The following LIPK variants were observed in gnomAD, a reference collection of about 807,000 sequenced individuals.
The protein encoded by LIPK is lipase family member K, also known as lipase member K.
In LIPK, 32 loss-of-function variants were observed where a neutral mutation model predicts 48.6. The observed-to-expected ratio is 0.66, with a 90% CI of 0.50 to 0.88. The LOEUF is 0.88. Ranked by LOEUF, LIPK falls within the 40% of genes least tolerant of loss-of-function variation. LIPK has a pLI of 0.00. For missense variants in LIPK, 507 were observed against 478.5 expected, an observed-to-expected ratio of 1.06 and a Z score of -0.56; for synonymous variants, 164 against 157.4, an observed-to-expected ratio of 1.04 and a Z score of -0.32.
chr10:88,746,864 T>G (rs1290454151), intron 9 of LIPK, among the ~76,000 whole-genome samples: 1 of 152,070 alleles, frequency 6.6e-6, no homozygotes, highest in Non-Finnish European at 1.5e-5. Context: ...ATTGATAGAC[T>G]GCTAGCTAGA....
At chr10:88,747,164 C>T (rs541559786) in intron 9 of LIPK, among the ~76,000 whole-genome samples, 1 of 152,266 alleles carries the variant, frequency 6.6e-6, no homozygotes, top group East Asian at 1.9e-4. Context: ...GAATGAATTA[C>T]AGTCCAATTT....
chr10:88,724,680 A>G (rs1213945787), intron 2 of LIPK, 32 bp downstream of exon 2: 1 of 1,424,318 alleles, frequency 7.0e-7, no homozygotes, highest in East Asian at 2.5e-5. Flanking sequence ...AAATGCTAAA[A>G]TAAGGAATTA....
intron 4 of LIPK, among the ~76,000 whole-genome samples, chr10:88,731,957 G>A (rs577860454): frequency 7.2e-5 from 11 of 152,304 alleles, no homozygotes; most frequent in Admixed American, 3.3e-4. Context: ...GCATCAGTAG[G>A]CCTCGACAAA....
intron 1 of LIPK, among the ~76,000 whole-genome samples, chr10:88,713,389 T>A (rs1183723348): frequency 1.4e-5 from 1 of 71,270 alleles, no homozygotes; most frequent in African/African-American, 7.1e-5. Context: ...TGCATTTTGA[T>A]TTTTTGTTGT....
intron 5 of LIPK, 47 bp from the exon 6 acceptor site, chr10:88,732,368 C>G (rs1459699620): frequency 2.5e-6 from 4 of 1,594,758 alleles, no homozygotes; most frequent in Non-Finnish European, 2.6e-6. Context: ...TTAAAATGAA[C>G]AAATAATTAT....
At chr10:88,735,427 C>T (rs183490260) in intron 6 of LIPK, among the ~76,000 whole-genome samples, 2 of 152,190 alleles carry the variant, frequency 1.3e-5, no homozygotes, top group Non-Finnish European at 2.9e-5. Flanking sequence ...CAGCCTGTCC[C>T]GAGTCACCCA....
chr10:88,733,623 G>C (rs1030155145), intron 6 of LIPK, among the ~76,000 whole-genome samples: 28 of 152,172 alleles, frequency 1.8e-4, no homozygotes, highest in African/African-American at 6.8e-4. Context: ...ACTCTGGCCT[G>C]CTCCTACTAT....
chr10:88,722,119 G>A (rs1842237439), intron 1 of LIPK, among the ~76,000 whole-genome samples: 1 of 152,122 alleles, frequency 6.6e-6, no homozygotes, highest in African/African-American at 2.4e-5. Context: ...CCAAAATGGT[G>A]AAACCCCGTC....
chr10:88,728,354 G>T (rs1165671321), intron 3 of LIPK: 5 of 196,408 alleles, frequency 2.5e-5, no homozygotes, highest in African/African-American at 7.1e-5. Context: ...GGTCGAGTAT[G>T]AGGTGCTGCA....
chr10:88,740,576 C>T (rs895445357), intron 8 of LIPK, among the ~76,000 whole-genome samples: 4 of 152,198 alleles, frequency 2.6e-5, no homozygotes, highest in African/African-American at 9.6e-5. Context: ...ACAGAAAGCT[C>T]AGAGATAAGT....
At chr10:88,732,731 T>C (rs1175572953) in intron 6 of LIPK, among the ~76,000 whole-genome samples, 180 bp downstream of exon 6, 1 of 152,250 alleles carries the variant, frequency 6.6e-6, no homozygotes, top group South Asian at 2.1e-4. Flanking sequence ...GAACTCCCCC[T>C]GTTGCTAATC....
chr10:88,737,128 T>A (rs1348822121), intron 6 of LIPK, among the ~76,000 whole-genome samples: 2 of 152,194 alleles, frequency 1.3e-5, no homozygotes, highest in Non-Finnish European at 2.9e-5. Flanking sequence ...TATTAGTCAC[T>A]AATTATGATA....
intron 1 of LIPK, among the ~76,000 whole-genome samples, chr10:88,716,873 T>A (rs1277794674): frequency 6.6e-6 from 1 of 152,190 alleles, no homozygotes; most frequent in Non-Finnish European, 1.5e-5. Flanking sequence ...GATTTGGATT[T>A]TTTTTTCTCA....
At chr10:88,719,857 T>C (rs887605043) in intron 1 of LIPK, among the ~76,000 whole-genome samples, 9 of 152,236 alleles carry the variant, frequency 5.9e-5, no homozygotes. Context: ...TCTGATATTC[T>C]TTTGTTGAGA....
chr10:88,746,287 A>C (rs1374424849), intron 9 of LIPK, among the ~76,000 whole-genome samples: 8 of 152,200 alleles, frequency 5.3e-5, no homozygotes, highest in Admixed American at 5.2e-4. Flanking sequence ...CTGAGCAGAC[A>C]TCTAGAGAAC....
In LIPK at chr10:88,752,591, G is replaced by A. The variant is rs372903860; in HGVS notation, c.1035G>A (p.Val345=). ...TATGGAATGGTGGACAGGACATTGT[G>A]GCTGATCCCAAGGATGTTGAAAATT... ...TAIWNGGQDI[V]ADPKDVENLL... The change falls in exon 10 of 10, where the codon GTG becomes GTA. Residue 345 remains valine (V), a synonymous_variant. Transcript: ENST00000404190. The A allele has an allele frequency of 3.2e-6, 5 of 1,573,022 alleles. No individual in the cohort carries two copies. In the African/African-American group the frequency reaches 4.0e-5, roughly 13 times the overall value.
In LIPK at chr10:88,724,779, T is replaced by C. The variant is rs537867830; in HGVS notation, c.105+131T>C. The C allele has an allele frequency of 4.7e-6, 3 of 635,188 alleles. No individual in the cohort carries two copies. In the South Asian group the frequency reaches 6.3e-5, roughly 13 times the overall value. 39.3% of individuals were successfully genotyped at this position (635,188 alleles called of 1,614,324 possible). ...GACTAAGTCTGTGCTTCCTCTCCTGTTTCTTGATATGGCTAACTAATCCAA... is the reference window on the plus strand; with the variant it reads ...GACTAAGTCTGTGCTTCCTCTCCTGCTTCTTGATATGGCTAACTAATCCAA... On this transcript the variant is annotated intron_variant, in intron 2 of 9. Transcript: ENST00000404190.
intron 8 of LIPK, among the ~76,000 whole-genome samples, chr10:88,742,018 A>C (rs1842687999): frequency 6.6e-6 from 1 of 152,232 alleles, no homozygotes; most frequent in Non-Finnish European, 1.5e-5. Flanking sequence ...CACCGTGGAA[A>C]GTGAAGGGGA....
intron 1 of LIPK, among the ~76,000 whole-genome samples, chr10:88,720,446 T>A (rs1424155169): frequency 1.3e-5 from 2 of 152,074 alleles, no homozygotes; most frequent in Non-Finnish European, 2.9e-5. Flanking sequence ...GGCAACGAAA[T>A]ACTCTGTGCA....
Sources: gnomAD v4.1 joint callset for allele counts (sites outside exome capture counted in the v4.1 genomes callset) on GRCh38, gnomAD v4.1.1 for gene constraint, MANE v1.5 for transcripts, NCBI Gene and HGNC (gene_info 2026-07-23, HGNC 2026-07-21) for gene names.